The following TWIST2 variants were observed in gnomAD, a reference collection of about 807,000 sequenced individuals.
TWIST2 encodes twist-related protein 2.
TWIST2 carries 1 observed loss-of-function variant against 11.6 expected under a neutral mutation model. The observed-to-expected ratio is 0.09, with a 90% CI of 0.03 to 0.41. TWIST2 has a LOEUF of 0.41. TWIST2 is among the 10% of genes least tolerant of loss of function. TWIST2 has a pLI of 0.98. For missense variants in TWIST2, 168 were observed against 226.4 expected (o/e 0.74, Z 1.66); for synonymous variants, 87 against 96.6 (o/e 0.90, Z 0.58).
chr2:238,881,870 C>T (rs1208127658), intron 1 of TWIST2, among the ~76,000 whole-genome samples: 2 of 152,116 alleles, frequency 1.3e-5, no homozygotes, highest in African/African-American at 4.8e-5. Context: ...GGAGAAGGTG[C>T]CACCTGCTGT....
intron 1 of TWIST2, among the ~76,000 whole-genome samples, chr2:238,849,366 C>T (rs924329502): frequency 6.6e-6 from 1 of 152,184 alleles, no homozygotes; most frequent in African/African-American, 2.4e-5. Context: ...AACTGCCCTG[C>T]GCTTCGGGGC....
chr2:238,860,966 C>A (rs1692423884), intron 1 of TWIST2, among the ~76,000 whole-genome samples: 1 of 152,146 alleles, frequency 6.6e-6, no homozygotes, highest in Admixed American at 6.5e-5. Context: ...AAAAACTGTT[C>A]TGTGTGATGC....
intron 1 of TWIST2, among the ~76,000 whole-genome samples, chr2:238,898,194 C>G (rs1693227383): frequency 6.6e-6 from 1 of 152,198 alleles, no homozygotes; most frequent in African/African-American, 2.4e-5. Flanking sequence ...AACCAGCTGC[C>G]CCTAGCAGGG....
At chr2:238,852,114 C>T (rs1235600589) in intron 1 of TWIST2, among the ~76,000 whole-genome samples, 1 of 151,998 alleles carries the variant, frequency 6.6e-6, no homozygotes, top group Non-Finnish European at 1.5e-5. Flanking sequence ...TGCCGGATTC[C>T]TTTTGCCTGG....
intron 1 of TWIST2, among the ~76,000 whole-genome samples, chr2:238,861,928 G>T (rs1006255360): frequency 6.6e-6 from 1 of 152,168 alleles, no homozygotes; most frequent in Non-Finnish European, 1.5e-5. Flanking sequence ...ATAGGGTTCC[G>T]TACCATCCTT....
chr2:238,883,746 A>ATGT (rs1270349703), intron 1 of TWIST2, among the ~76,000 whole-genome samples: 1 of 152,192 alleles, frequency 6.6e-6, no homozygotes, highest in Non-Finnish European at 1.5e-5. Flanking sequence ...GGGGAAGACC[A>ATGT]TGTTGATTCC....
intron 1 of TWIST2, among the ~76,000 whole-genome samples, chr2:238,871,805 A>G (rs1692709135): frequency 6.6e-6 from 1 of 152,132 alleles, no homozygotes; most frequent in Admixed American, 6.5e-5. Flanking sequence ...TCACAGACAA[A>G]CACTCTATGA....
intron 1 of TWIST2, among the ~76,000 whole-genome samples, chr2:238,872,402 A>T (rs974947238): frequency 3.3e-5 from 5 of 152,110 alleles, no homozygotes; most frequent in Admixed American, 3.3e-4. Flanking sequence ...AGCACGTTCT[A>T]CTTGGAAGTG....
chr2:238,908,579 C>T (rs1016629511), intron 1 of TWIST2, among the ~76,000 whole-genome samples: 172 of 152,308 alleles, frequency 1.1e-3, no homozygotes, highest in Non-Finnish European at 6.3e-4. Flanking sequence ...CTGGGTGTGA[C>T]GTGACGACAC....
chr2:238,865,342 G>A (rs781059840), intron 1 of TWIST2, among the ~76,000 whole-genome samples: 6 of 152,118 alleles, frequency 3.9e-5, no homozygotes, highest in African/African-American at 1.4e-4. Flanking sequence ...TTTAAACGAC[G>A]GCGCACAGGG....
At chr2:238,859,254 T>C (rs1419950096) in intron 1 of TWIST2, among the ~76,000 whole-genome samples, 2 of 150,552 alleles carry the variant, frequency 1.3e-5, no homozygotes, top group African/African-American at 4.9e-5. Flanking sequence ...ACAGCATCGA[T>C]GAACCTTGAA....
intron 1 of TWIST2, among the ~76,000 whole-genome samples, chr2:238,909,107 G>GTGTT (rs1325744097): frequency 9.1e-4 from 77 of 84,528 alleles, no homozygotes; most frequent in Middle Eastern, 5.3e-3. Flanking sequence ...TGTTTGGTGT[G>GTGTT]TGTGTATGTG....
intron 1 of TWIST2, among the ~76,000 whole-genome samples, chr2:238,873,182 C>T (rs905887359): frequency 4.6e-5 from 7 of 152,114 alleles, no homozygotes; most frequent in Admixed American, 2.0e-4. Flanking sequence ...GTGGATCTGT[C>T]GTTCAATCAA....
At position 238,848,667 on chromosome 2, in the gene TWIST2, A is replaced by G; in HGVS notation, c.452A>G (p.Glu151Gly). The G allele has an allele frequency of 6.5e-7, 1 of 1,534,182 alleles. No individual in the cohort carries two copies. Among genetic ancestry groups the G allele is most frequent in the East Asian group, 2.5e-5 (1 of 40,812 alleles). The change falls in exon 1 of 2, where the codon GAG becomes GGG. Residue 151 changes from glutamate to glycine, a missense_variant. Glu to Gly is a moderately conservative substitution (Grantham distance 98). Around this residue, in one of 3 missense-constraint regions of TWIST2, gnomAD observed 62 missense variants for 75.3 expected, o/e 0.82. Coordinates refer to ENST00000612363, the MANE Select transcript of TWIST2 (RefSeq NM_001271893.4). Reference sequence around the variant, plus strand: ...TACGCCTTCTCCGTGTGGCGCATGGAGGGCGCGTGGTCCATGTCCGCCTCC... The same window carrying G: ...TACGCCTTCTCCGTGTGGCGCATGGGGGGCGCGTGGTCCATGTCCGCCTCC... ...LSYAFSVWRM[E>G]GAWSMSASH
rs572160643 is a variant in TWIST2 at position 238,864,959 on chromosome 2, G to A, written c.*35+16226G>A. Among the ~76,000 whole-genome samples the A allele has an allele frequency of 3.3e-4, 50 of 152,230 alleles. 1 individual carries two copies. Among genetic ancestry groups the A allele is most frequent in the Middle Eastern group, 3.4e-3 (1 of 294 alleles). On this transcript the variant is annotated intron_variant, in intron 1 of 1. Coordinates refer to ENST00000612363, the MANE Select transcript of TWIST2 (RefSeq NM_001271893.4). This position sits in a 1 kb window ranked among gnomAD's most constrained non-coding sequence, Gnocchi z 4.7. ...GGAGGATGCATCTACTGCCAGGCTC[G>A]GTGGGCCTGGCCACCCGAGGGGCCT...
chr2:238,904,335 G>A (rs1323558860), intron 1 of TWIST2, among the ~76,000 whole-genome samples: 1 of 119,256 alleles, frequency 8.4e-6, no homozygotes, highest in Admixed American at 8.6e-5. Flanking sequence ...TGTGATATGG[G>A]ATGTGTGATG....
intron 1 of TWIST2, among the ~76,000 whole-genome samples, chr2:238,907,166 G>A (rs936381000): frequency 6.6e-6 from 1 of 152,094 alleles, no homozygotes; most frequent in African/African-American, 2.4e-5. Flanking sequence ...GGCGCGGCGC[G>A]GGGCCCACCT....
At chr2:238,899,110 T>A (rs1339025322) in intron 1 of TWIST2, among the ~76,000 whole-genome samples, 1 of 152,258 alleles carries the variant, frequency 6.6e-6, no homozygotes, top group Admixed American at 6.5e-5. Flanking sequence ...GTCCATCATC[T>A]ATCCGGTCCT....
intron 1 of TWIST2, among the ~76,000 whole-genome samples, chr2:238,901,761 G>A (rs1693270919): frequency 6.6e-6 from 1 of 152,178 alleles, no homozygotes; most frequent in African/African-American, 2.4e-5. Flanking sequence ...GAGAAGAGAG[G>A]AGTGGCTTTG....
Sources: allele counts gnomAD v4.1 joint callset (sites outside exome capture counted in the v4.1 genomes callset), GRCh38; gene constraint gnomAD v4.1.1; regional missense constraint gnomAD v4.1.1; non-coding constraint Gnocchi (gnomAD v3.1); transcripts MANE v1.5; gene names NCBI Gene and HGNC (gene_info 2026-07-23, HGNC 2026-07-21).